Variants in CSNK1G3 observed in about 807,000 individuals in gnomAD.
CSNK1G3 encodes the protein casein kinase I isoform gamma-3.
CSNK1G3 carries 23 observed loss-of-function variants against 64.3 expected under a neutral mutation model. The observed-to-expected ratio is 0.36, with a 90% CI of 0.26 to 0.51. The LOEUF (loss-of-function observed/expected upper bound fraction) is 0.51, where lower values mean the gene tolerates loss of function less well. Ranked by LOEUF, CSNK1G3 falls within the 20% of genes least tolerant of loss-of-function variation. CSNK1G3 has a pLI of 0.96. For synonymous variants in CSNK1G3, 158 were observed against 162.2 expected (o/e 0.97, Z 0.20); for missense variants, 357 against 510.5 (o/e 0.70, Z 2.90).
chr5:123,595,041 G>A (rs1433190542), intron 10 of CSNK1G3: 5 of 1,613,148 alleles, frequency 3.1e-6, no homozygotes, highest in Admixed American at 1.7e-5. Flanking sequence ...AATGGCAGTC[G>A]GCAGACCACA....
intron 4 of CSNK1G3, among the ~76,000 whole-genome samples, chr5:123,564,423 T>C (rs996334389): frequency 6.6e-6 from 1 of 152,026 alleles, no homozygotes; most frequent in Admixed American, 6.6e-5. Context: ...AGTAAAAAGA[T>C]AGAAAGTATA....
intron 4 of CSNK1G3, among the ~76,000 whole-genome samples, chr5:123,567,028 G>A (rs1356565418): frequency 6.6e-6 from 1 of 152,224 alleles, no homozygotes; most frequent in Non-Finnish European, 1.5e-5. Flanking sequence ...AGACTTAACA[G>A]TTCCATGTGG....
intron 3 of CSNK1G3, 126 bp downstream of exon 3, chr5:123,553,273 A>G: frequency 2.2e-6 from 1 of 445,180 alleles, no homozygotes; most frequent in Non-Finnish European, 4.0e-6. Context: ...AGTTATATGC[A>G]TAGCTAATCT....
chr5:123,590,950 A>G (rs1792229287), intron 9 of CSNK1G3, among the ~76,000 whole-genome samples: 1 of 151,926 alleles, frequency 6.6e-6, no homozygotes, highest in Non-Finnish European at 1.5e-5. Context: ...TATTCTTTTA[A>G]TTTTCTTAAA....
At chr5:123,565,309 A>G (rs567747323) in intron 4 of CSNK1G3, among the ~76,000 whole-genome samples, 2 of 152,280 alleles carry the variant, frequency 1.3e-5, no homozygotes, top group South Asian at 4.1e-4. Context: ...GACTTCCTGC[A>G]AGGGTCTCAC....
intron 10 of CSNK1G3, among the ~76,000 whole-genome samples, chr5:123,601,230 T>C (rs769647981): frequency 6.6e-6 from 1 of 152,172 alleles, no homozygotes; most frequent in Non-Finnish European, 1.5e-5. Flanking sequence ...TATAATGATA[T>C]ATTATTTACA....
intron 4 of CSNK1G3, among the ~76,000 whole-genome samples, chr5:123,566,854 G>T (rs1786990888): frequency 1.3e-5 from 2 of 151,960 alleles, no homozygotes; most frequent in Admixed American, 1.3e-4. Flanking sequence ...AAAAAAAAAA[G>T]TGAAGGTAGA....
chr5:123,570,346 C>CT (rs370362447), intron 4 of CSNK1G3, among the ~76,000 whole-genome samples: 13,921 of 130,516 alleles, frequency 0.11, 785 homozygotes, highest in South Asian at 0.13. Flanking sequence ...ACAGTCCTTT[C>CT]TTTTTTTTTT....
chr5:123,563,175 C>T (rs1391889142), intron 4 of CSNK1G3, among the ~76,000 whole-genome samples: 1 of 151,854 alleles, frequency 6.6e-6, no homozygotes, highest in Non-Finnish European at 1.5e-5. Flanking sequence ...AGTAAATGAT[C>T]TTTTTCTCTG....
intron 4 of CSNK1G3, among the ~76,000 whole-genome samples, chr5:123,563,630 A>G (rs1786229426): frequency 6.6e-6 from 1 of 152,074 alleles, no homozygotes; most frequent in Admixed American, 6.6e-5. Flanking sequence ...TATTATGGGT[A>G]ATAGTATAAA....
intron 12 of CSNK1G3, among the ~76,000 whole-genome samples, chr5:123,607,776 T>A (rs1442386448): frequency 6.6e-6 from 1 of 152,194 alleles, no homozygotes; most frequent in Non-Finnish European, 1.5e-5. Context: ...ACTCATAATA[T>A]CAGTGAAGCC....
At chr5:123,573,470 T>G in exon 5 of CSNK1G3, 3 of 1,613,980 alleles carry the variant, frequency 1.9e-6, no homozygotes, top group Non-Finnish European at 2.5e-6. Context: ...GGGACCTAGT[T>G]TGGAAGACTT....
At chr5:123,597,503 A>G (rs996738354) in intron 10 of CSNK1G3, among the ~76,000 whole-genome samples, 2 of 152,038 alleles carry the variant, frequency 1.3e-5, no homozygotes, top group Non-Finnish European at 2.9e-5. Context: ...TTTCCTTGGA[A>G]CTGATCATTG....
At chr5:123,514,663 A>C (rs1033462913) in intron 1 of CSNK1G3, among the ~76,000 whole-genome samples, 9 of 150,016 alleles carry the variant, frequency 6.0e-5, no homozygotes. Context: ...AGCTGGTAAC[A>C]CTCCATCTGG....
intron 4 of CSNK1G3, among the ~76,000 whole-genome samples, chr5:123,568,299 C>A (rs1787350063): frequency 6.6e-6 from 1 of 152,098 alleles, no homozygotes; most frequent in African/African-American, 2.4e-5. Flanking sequence ...GTGACTATGA[C>A]CTTTTTTTGG....
intron 2 of CSNK1G3, among the ~76,000 whole-genome samples, chr5:123,552,393 C>T (rs1581081623): frequency 1.3e-5 from 2 of 152,190 alleles, no homozygotes; most frequent in East Asian, 3.9e-4. Flanking sequence ...ATCCACCTGC[C>T]TCAGCCTCCC....
At chr5:123,528,459 G>A (rs1396306072) in intron 1 of CSNK1G3, among the ~76,000 whole-genome samples, 1 of 152,116 alleles carries the variant, frequency 6.6e-6, no homozygotes, top group East Asian at 1.9e-4. Context: ...TAGGTATTAG[G>A]GAGACAGAAT....
intron 4 of CSNK1G3, 132 bp from the exon 5 acceptor site, chr5:123,573,261 G>C: frequency 1.1e-6 from 1 of 918,508 alleles, no homozygotes; most frequent in South Asian, 1.6e-5. Context: ...GTCAGGAAAA[G>C]TATGTATCTG....
At chr5:123,537,138 T>A (rs1780971475) in intron 1 of CSNK1G3, among the ~76,000 whole-genome samples, 2 of 152,178 alleles carry the variant, frequency 1.3e-5, no homozygotes. Context: ...CTTGCACTCC[T>A]ACATTTATGG....
Sources: allele counts gnomAD v4.1 joint callset (sites outside exome capture counted in the v4.1 genomes callset), GRCh38; gene constraint gnomAD v4.1.1; transcripts MANE v1.5; gene names NCBI Gene and HGNC (gene_info 2026-07-23, HGNC 2026-07-21).